Variants in RALGAPA2 observed in about 807,000 individuals in gnomAD.
RALGAPA2 encodes Ral GTPase activating protein catalytic subunit alpha 2.
In RALGAPA2, 139 loss-of-function variants were observed where a neutral mutation model predicts 230.4. That is an observed-to-expected ratio of 0.60 (90% CI 0.53 to 0.69). RALGAPA2 has a LOEUF of 0.69. RALGAPA2 is among the 30% of genes least tolerant of loss of function. The pLI, the probability that RALGAPA2 is intolerant of heterozygous loss-of-function variation, is 0.00. For synonymous variants in RALGAPA2, 847 were observed against 837.8 expected, an observed-to-expected ratio of 1.01 and a Z score of -0.19; for missense variants, 2,163 against 2,276.0, an observed-to-expected ratio of 0.95 and a Z score of 1.01.
intron 8 of RALGAPA2, among the ~76,000 whole-genome samples, chr20:20,636,250 G>T (rs2066853870): frequency 6.6e-6 from 1 of 152,018 alleles, no homozygotes; most frequent in African/African-American, 2.4e-5. Flanking sequence ...AAATTATATG[G>T]TATTGGATTT....
chr20:20,605,229 T>C lies in RALGAPA2; in HGVS notation c.1984A>G (p.Asn662Asp), dbSNP rs2065782442. ...ARTVYGVEMT[N>D]LPLDKLSEQK... The stretch of plus-strand genomic sequence containing the variant: ...TCACTTAATTTATCCAGAGGTAGGT[T>C]TGTCATCTCAACTCCATAAACGGTT... Residue 662 changes from asparagine to aspartate, a missense_variant, in exon 15 of 40, where the codon AAC (asparagine) becomes GAC (aspartate). Asn to Asp is a conservative substitution (Grantham distance 23). Transcript: ENST00000202677. 2.5e-6 allele frequency: 4 copies of C among 1,613,862 alleles called. No homozygotes were observed. Among genetic ancestry groups the C allele is most frequent in the South Asian group, 1.1e-5 (1 of 91,064 alleles).
At chr20:20,700,823 C>T (rs2069328453) in intron 1 of RALGAPA2, among the ~76,000 whole-genome samples, 2 of 152,196 alleles carry the variant, frequency 1.3e-5, no homozygotes, top group Non-Finnish European at 2.9e-5. Flanking sequence ...GGAGAAACCA[C>T]CACTCTTAAT....
intron 4 of RALGAPA2, among the ~76,000 whole-genome samples, chr20:20,644,478 T>G (rs2067143754): frequency 6.6e-6 from 1 of 152,142 alleles, no homozygotes; most frequent in Admixed American, 6.5e-5. Context: ...ACATATATAA[T>G]AACTAAATGC....
At position 20,390,611 on chromosome 20, in the gene RALGAPA2, G is replaced by C. The variant is rs934096800; in HGVS notation, c.*2678C>G. On this transcript the variant is annotated 3_prime_UTR_variant, in exon 40 of 40. Coordinates refer to ENST00000202677, the MANE Select transcript of RALGAPA2 (RefSeq NM_020343.4). ...ATGAGTCAGCGCTGTGCCTCAGGTG[G>C]GGCCCTAGTGGATGAATGATCCTCC... 6.6e-6 allele frequency: 1 copy of C among 152,064 alleles called. No individual in the cohort carries two copies. Among genetic ancestry groups the C allele is most frequent in the Non-Finnish European group, 1.5e-5 (1 of 68,022 alleles). 9.4% of individuals were successfully genotyped at this position (152,064 alleles called of 1,614,324 possible).
intron 6 of RALGAPA2, among the ~76,000 whole-genome samples, chr20:20,640,201 AG>A (rs2066986941): frequency 6.6e-6 from 1 of 152,244 alleles, no homozygotes; most frequent in South Asian, 2.1e-4. Flanking sequence ...TGGTCCTAAC[AG>A]GCAAGTTCCT....
At chr20:20,630,009 C>T (rs1180884368) in intron 9 of RALGAPA2, among the ~76,000 whole-genome samples, 1 of 152,176 alleles carries the variant, frequency 6.6e-6, no homozygotes, top group African/African-American at 2.4e-5. Context: ...AGCAACAATG[C>T]TAGGAGGCAT....
intron 20 of RALGAPA2, among the ~76,000 whole-genome samples, chr20:20,580,529 A>C (rs2064953233): frequency 6.6e-6 from 1 of 152,156 alleles, no homozygotes; most frequent in Non-Finnish European, 1.5e-5. Context: ...CTAAAACTGC[A>C]TACCCTGCCT....
intron 37 of RALGAPA2, among the ~76,000 whole-genome samples, chr20:20,454,860 T>C (rs1457357876): frequency 6.6e-6 from 1 of 152,192 alleles, no homozygotes; most frequent in Non-Finnish European, 1.5e-5. Context: ...ATATATATTT[T>C]TAAAGTTTTA....
At chr20:20,647,588 T>C (rs1313686131) in intron 4 of RALGAPA2, among the ~76,000 whole-genome samples, 1 of 152,158 alleles carries the variant, frequency 6.6e-6, no homozygotes, top group Non-Finnish European at 1.5e-5. Flanking sequence ...AAAAGCACAA[T>C]CCATAAAAGA....
Position 20,535,787 on chromosome 20 carries a change from A to G in RALGAPA2, c.3431T>C (p.Ile1144Thr). 6.5e-7 allele frequency: 1 copy of G among 1,547,500 alleles called. No homozygotes were observed. Among genetic ancestry groups the G allele is most frequent in the South Asian group, 1.2e-5 (1 of 82,796 alleles). Reference protein sequence around the residue: ...TEDVKHYLINILLKNATEEPN... With the variant: ...TEDVKHYLINTLLKNATEEPN... The stretch of plus-strand genomic sequence containing the variant: ...TTCTTCTGTGGCATTCTTCAGTAAA[A>G]TATTTATGAGGTAATGCTAAAAACA... Residue 1144 changes from isoleucine (I) to threonine (T), a missense_variant, in exon 26 of 40, where the codon ATT becomes ACT. Physicochemically the swap from Ile to Thr is moderately conservative, Grantham distance 89. Transcript: ENST00000202677.
chr20:20,659,231 G>A (rs533626212), intron 3 of RALGAPA2, among the ~76,000 whole-genome samples: 12 of 152,310 alleles, frequency 7.9e-5, no homozygotes, highest in African/African-American at 2.2e-4. Flanking sequence ...AGGGACCCAC[G>A]TGCATAGCAG....
chr20:20,666,121 A>G (rs2067950279), intron 3 of RALGAPA2, among the ~76,000 whole-genome samples: 1 of 152,244 alleles, frequency 6.6e-6, no homozygotes, highest in Non-Finnish European at 1.5e-5. Flanking sequence ...GCCCCATGTC[A>G]TAAATGTGAC....
chr20:20,503,546 A>C, intron 34 of RALGAPA2, 40 bp from the exon 35 acceptor site: 3 of 1,452,264 alleles, frequency 2.1e-6, no homozygotes, highest in Non-Finnish European at 2.7e-6. Context: ...AGGATCAAAA[A>C]TGAGCTGCTC....
At chr20:20,691,918 C>T (rs2068927082) in intron 1 of RALGAPA2, among the ~76,000 whole-genome samples, 1 of 152,154 alleles carries the variant, frequency 6.6e-6, no homozygotes. Flanking sequence ...CATGAACATC[C>T]TGGTGCTGTC....
chr20:20,591,698 A>ACACACACATACACC (rs2065295977), intron 16 of RALGAPA2, among the ~76,000 whole-genome samples: 1 of 152,094 alleles, frequency 6.6e-6, no homozygotes, highest in African/African-American at 2.4e-5. Flanking sequence ...ACACACACAC[A>ACACACACATACACC]CACACACACA....
At chr20:20,529,278 C>T (rs2145541288) in intron 27 of RALGAPA2, among the ~76,000 whole-genome samples, 1 of 152,266 alleles carries the variant, frequency 6.6e-6, no homozygotes, top group South Asian at 2.1e-4. Context: ...TTGCTGCTAT[C>T]CAGAGGGGGG....
intron 3 of RALGAPA2, among the ~76,000 whole-genome samples, chr20:20,675,131 G>A (rs2068273545): frequency 6.6e-6 from 1 of 152,148 alleles, no homozygotes. Context: ...TCATTTCACA[G>A]GTTTCATTCA....
chr20:20,571,408 T>C lies in RALGAPA2; in HGVS notation c.3156+50A>G, dbSNP rs1302571144. 4 of 1,528,810 alleles carry C rather than the reference T, an allele frequency of 2.6e-6. No homozygotes were observed. In the Admixed American group the frequency reaches 7.3e-5, roughly 28 times the overall value. The allele number at this position is 1,528,810 out of a possible 1,614,324, so 94.7% of individuals were successfully genotyped here. A position where few individuals can be genotyped will look rare whatever the true frequency, so the allele number is the denominator to read the frequency against. On this transcript the variant is annotated intron_variant, in intron 23 of 39. Transcript: ENST00000202677. ...TATTACTAATGTCTTTAAAGAGTGA[T>C]ATGCTATTTCCAATTAATGGGCAAT...
intron 36 of RALGAPA2, among the ~76,000 whole-genome samples, chr20:20,490,813 G>T (rs1422083720): frequency 6.6e-6 from 1 of 151,518 alleles, no homozygotes; most frequent in Non-Finnish European, 1.5e-5. Flanking sequence ...TCCAGGTACA[G>T]GTCCTGGGCT....
Sources: gnomAD v4.1 joint callset for allele counts (sites outside exome capture counted in the v4.1 genomes callset) on GRCh38, gnomAD v4.1.1 for gene constraint, MANE v1.5 for transcripts, NCBI Gene and HGNC (gene_info 2026-07-23, HGNC 2026-07-21) for gene names.